The following MSRB3 variants were observed in gnomAD, a reference collection of about 807,000 sequenced individuals.
MSRB3 encodes methionine-R-sulfoxide reductase B3.
MSRB3 carries 13 observed loss-of-function variants against 21.0 expected under a neutral mutation model. The observed-to-expected ratio is 0.62, with a 90% CI of 0.40 to 0.98. MSRB3 has a LOEUF of 0.98. Among genes scored for constraint, MSRB3 ranks in the 50% least tolerant of loss-of-function variants. The pLI, the probability that MSRB3 is intolerant of heterozygous loss-of-function variation, is 0.00. For synonymous variants in MSRB3, 87 were observed against 88.6 expected (o/e 0.98, Z 0.10); for missense variants, 199 against 230.3 (o/e 0.86, Z 0.88).
intron 1 of MSRB3, among the ~76,000 whole-genome samples, chr12:65,295,636 A>G (rs773730637): frequency 1.1e-4 from 17 of 152,090 alleles, no homozygotes; most frequent in African/African-American, 1.7e-4. Flanking sequence ...AGACTATTAT[A>G]TAACATGTTA....
rs114310151 is a variant in MSRB3, at chr12:65,465,573, G to T, written c.*2251G>T. ...CTACAAGCACCTCTCTAAGAAGCCT[G>T]ACATCCCGGTGGACTCTTTATAGTC... On this transcript the variant is annotated 3_prime_UTR_variant, in exon 7 of 7. Coordinates refer to ENST00000308259, the MANE Select transcript of MSRB3 (RefSeq NM_001031679.3). 6.6e-6 allele frequency: 1 copy of T among 152,096 alleles called. No homozygotes were observed. The highest frequency in any genetic ancestry group is 2.4e-5 in the African/African-American group (1 of 41,420). The allele number at this position is 152,096 out of a possible 1,614,324, so 9.4% of individuals were successfully genotyped here. A position where few individuals can be genotyped will look rare whatever the true frequency, so the allele number is the denominator to read the frequency against.
At chr12:65,357,852 G>A (rs144819707) in intron 4 of MSRB3, among the ~76,000 whole-genome samples, 1 of 152,012 alleles carries the variant, frequency 6.6e-6, no homozygotes, top group Non-Finnish European at 1.5e-5. Flanking sequence ...AGGTATATGC[G>A]AACAACACGT....
chr12:65,346,633 T>A (rs1010527781), intron 4 of MSRB3, among the ~76,000 whole-genome samples: 1 of 152,192 alleles, frequency 6.6e-6, no homozygotes, highest in African/African-American at 2.4e-5. Context: ...CCATTGCTTT[T>A]GGTGTTTTAG....
intron 5 of MSRB3, among the ~76,000 whole-genome samples, chr12:65,426,317 T>A (rs1163558242): frequency 1.3e-5 from 2 of 152,186 alleles, no homozygotes; most frequent in Admixed American, 6.5e-5. Context: ...TGGACAGATT[T>A]CCTGGGCATT....
chr12:65,371,963 C>G (rs1878354671), intron 5 of MSRB3, among the ~76,000 whole-genome samples: 1 of 152,030 alleles, frequency 6.6e-6, no homozygotes, highest in African/African-American at 2.4e-5. Context: ...GATTAGCACC[C>G]ATATAGTCAT....
chr12:65,297,513 A>G (rs575372588), intron 1 of MSRB3, among the ~76,000 whole-genome samples: 1 of 152,342 alleles, frequency 6.6e-6, no homozygotes, highest in South Asian at 2.1e-4. Flanking sequence ...TATTTGACAA[A>G]TATTTACTGA....
chr12:65,365,517 A>G (rs1877959881), intron 4 of MSRB3, among the ~76,000 whole-genome samples: 1 of 152,204 alleles, frequency 6.6e-6, no homozygotes, highest in South Asian at 2.1e-4. Flanking sequence ...TTTATACGCC[A>G]TGCAGAGGAG....
At chr12:65,325,509 G>T (rs1874963089) in intron 2 of MSRB3, among the ~76,000 whole-genome samples, 1 of 151,964 alleles carries the variant, frequency 6.6e-6, no homozygotes, top group South Asian at 2.1e-4. Flanking sequence ...GCTCTATCTT[G>T]GTGGCCCGGA....
At chr12:65,308,937 A>C in intron 2 of MSRB3, 1 of 474,468 alleles carries the variant, frequency 2.1e-6, no homozygotes, top group South Asian at 2.5e-5. Flanking sequence ...CACATCTGCA[A>C]ATCATAACGT....
chr12:65,281,408 A>G (rs1160638119), intron 1 of MSRB3, among the ~76,000 whole-genome samples: 3 of 152,138 alleles, frequency 2.0e-5, no homozygotes, highest in Non-Finnish European at 4.4e-5. Context: ...CACCTACTAC[A>G]TGTGGTTCAA....
chr12:65,434,295 G>C (rs1309649249), intron 5 of MSRB3, among the ~76,000 whole-genome samples: 4 of 151,684 alleles, frequency 2.6e-5, no homozygotes. Context: ...CCCAACTCTG[G>C]TGTCTGTCTC....
intron 1 of MSRB3, among the ~76,000 whole-genome samples, chr12:65,300,559 TA>T (rs1030644484): frequency 2.6e-5 from 4 of 152,292 alleles, no homozygotes; most frequent in Non-Finnish European, 5.9e-5. Context: ...TAGAAGAGAT[TA>T]AAATAAAGTT....
At chr12:65,380,123 C>T (rs138482170) in intron 5 of MSRB3, among the ~76,000 whole-genome samples, 92 of 151,966 alleles carry the variant, frequency 6.1e-4, no homozygotes, top group African/African-American at 2.0e-3. Context: ...GGCAGTTGCA[C>T]GGTGGAGGTA....
chr12:65,309,307 A>G (rs535056072), intron 2 of MSRB3, among the ~76,000 whole-genome samples: 3 of 152,354 alleles, frequency 2.0e-5, no homozygotes, highest in Admixed American at 2.0e-4. Flanking sequence ...TAATTTTATT[A>G]TGAAAACCAC....
intron 5 of MSRB3, among the ~76,000 whole-genome samples, chr12:65,393,569 T>G (rs1056374997): frequency 3.5e-5 from 5 of 141,302 alleles, no homozygotes; most frequent in African/African-American, 1.3e-4. Flanking sequence ...AGGCGGAGCT[T>G]GCGGTGAGCC....
At chr12:65,450,046 A>G (rs1409741853) in intron 5 of MSRB3, among the ~76,000 whole-genome samples, 1 of 152,212 alleles carries the variant, frequency 6.6e-6, no homozygotes, top group African/African-American at 2.4e-5. Flanking sequence ...TTATGGGCTC[A>G]AGTAGACTTG....
chr12:65,307,976 C>T (rs1450414943), intron 1 of MSRB3, among the ~76,000 whole-genome samples: 1 of 152,092 alleles, frequency 6.6e-6, no homozygotes, highest in Non-Finnish European at 1.5e-5. Context: ...TAGTCTTCTC[C>T]AGGGAGGGAG....
intron 2 of MSRB3, among the ~76,000 whole-genome samples, chr12:65,325,201 G>C (rs1339799592): frequency 6.6e-6 from 1 of 152,232 alleles, no homozygotes; most frequent in Non-Finnish European, 1.5e-5. Flanking sequence ...TGATAGGACA[G>C]ACATTTCTCA....
chr12:65,383,807 G>C (rs1446474324), intron 5 of MSRB3, among the ~76,000 whole-genome samples: 1 of 151,952 alleles, frequency 6.6e-6, no homozygotes, highest in Admixed American at 6.6e-5. Flanking sequence ...TTATAGGCAT[G>C]TGCCCCCACA....
Sources: gnomAD v4.1 joint callset for allele counts (sites outside exome capture counted in the v4.1 genomes callset) on GRCh38, gnomAD v4.1.1 for gene constraint, MANE v1.5 for transcripts, NCBI Gene and HGNC (gene_info 2026-07-23, HGNC 2026-07-21) for gene names.